Variants in TMEM74 observed in about 807,000 individuals in gnomAD.
TMEM74 encodes transmembrane protein 74.
Under a neutral mutation model 18.1 loss-of-function variants are expected in TMEM74, and 13 were observed. The ratio of observed to expected loss-of-function variants is 0.72; its 90% CI spans 0.47 to 1.14. The LOEUF (loss-of-function observed/expected upper bound fraction) is 1.14. Among genes scored for constraint, TMEM74 ranks in the 50% most tolerant of loss-of-function variants. The pLI is 0.00. For synonymous variants in TMEM74, 159 were observed against 146.6 expected, an observed-to-expected ratio of 1.08 and a Z score of -0.61; for missense variants, 372 against 375.9, an observed-to-expected ratio of 0.99 and a Z score of 0.09.
At chr8:108,631,166 T>C (rs988859616) in intron 2 of TMEM74, among the ~76,000 whole-genome samples, 4 of 151,966 alleles carry the variant, frequency 2.6e-5, no homozygotes, top group African/African-American at 9.7e-5. Context: ...TGAATAGTAT[T>C]GAACAAGACT....
intron 1 of TMEM74, among the ~76,000 whole-genome samples, chr8:108,675,791 C>T (rs571370212): frequency 6.6e-6 from 1 of 152,310 alleles, no homozygotes; most frequent in South Asian, 2.1e-4. Context: ...ACAAACAGGG[C>T]ATAGGCCTAG....
intron 1 of TMEM74, among the ~76,000 whole-genome samples, chr8:108,754,627 C>A (rs904633828): frequency 8.6e-5 from 13 of 151,124 alleles, no homozygotes; most frequent in African/African-American, 3.2e-4. Flanking sequence ...AGAAACAGAG[C>A]CAATAGGATG....
intron 1 of TMEM74, among the ~76,000 whole-genome samples, chr8:108,751,047 C>T (rs187491268): frequency 3.3e-5 from 5 of 152,218 alleles, no homozygotes; most frequent in African/African-American, 4.8e-5. Flanking sequence ...ATGGATTCAC[C>T]ACCAGTAACC....
intron 1 of TMEM74, among the ~76,000 whole-genome samples, chr8:108,740,013 G>T (rs1813784707): frequency 6.6e-6 from 1 of 152,060 alleles, no homozygotes; most frequent in Non-Finnish European, 1.5e-5. Context: ...AGAATGTGGG[G>T]GTCAAAAGGG....
Position 108,784,397 on chromosome 8 carries a change from C to T in TMEM74, c.702G>A (p.Ala234=), listed in dbSNP as rs773288402. Residue 234 remains alanine, a synonymous_variant, in exon 2 of 2, where the codon GCG becomes GCA. Coordinates refer to ENST00000297459, the MANE Select transcript of TMEM74 (RefSeq NM_153015.3). ...LGAHLDRCVI[A]GLCLLTLGGV... is the part of the protein sequence containing the mutation. Reference sequence around the variant, plus strand: ...CCCCCAGCGTGAGGAGGCAGAGCCCCGCAATCACACAGCGGTCCAGGTGAG... The same window carrying T: ...CCCCCAGCGTGAGGAGGCAGAGCCCTGCAATCACACAGCGGTCCAGGTGAG... 6.3e-5 allele frequency: 101 copies of T among 1,614,090 alleles called. No homozygotes were observed. In the East Asian group the frequency reaches 1.7e-3, roughly 27 times the overall value.
intron 2 of TMEM74, among the ~76,000 whole-genome samples, chr8:108,653,588 C>T (rs1156676553): frequency 6.6e-6 from 1 of 152,054 alleles, no homozygotes; most frequent in East Asian, 1.9e-4. Context: ...CTTAATTCAT[C>T]TTTTGTACAT....
intron 1 of TMEM74, among the ~76,000 whole-genome samples, chr8:108,699,780 G>T (rs1813317478): frequency 6.6e-6 from 1 of 152,072 alleles, no homozygotes; most frequent in African/African-American, 2.4e-5. Context: ...ATTCTCTGGG[G>T]TTTATCTATA....
chr8:108,657,857 AAAATAT>A (rs1253694505), intron 1 of TMEM74, among the ~76,000 whole-genome samples: 5 of 62,282 alleles, frequency 8.0e-5, no homozygotes, highest in Admixed American at 2.1e-4. Flanking sequence ...AAAAAAAAAA[AAAATAT>A]ATATATATAT....
chr8:108,647,830 G>A (rs1371301051), intron 2 of TMEM74, among the ~76,000 whole-genome samples: 3 of 152,030 alleles, frequency 2.0e-5, no homozygotes, highest in South Asian at 2.1e-4. Flanking sequence ...CTATATTAGG[G>A]GTAAGTACTT....
At chr8:108,622,835 T>A (rs1812456799) in intron 2 of TMEM74, among the ~76,000 whole-genome samples, 1 of 152,130 alleles carries the variant, frequency 6.6e-6, no homozygotes, top group Non-Finnish European at 1.5e-5. Flanking sequence ...CAAATTAAAA[T>A]TCTTTTCCCC....
chr8:108,644,361 A>T (rs1328845841), intron 2 of TMEM74, among the ~76,000 whole-genome samples: 1 of 152,166 alleles, frequency 6.6e-6, no homozygotes, highest in Non-Finnish European at 1.5e-5. Context: ...CTCAAGATGG[A>T]TTAAATATTT....
At chr8:108,650,404 G>A (rs1294034299) in intron 2 of TMEM74, among the ~76,000 whole-genome samples, 4 of 152,118 alleles carry the variant, frequency 2.6e-5, no homozygotes, top group Non-Finnish European at 5.9e-5. Context: ...TACATTTTCT[G>A]TCCCAAACTA....
chr8:108,615,073 C>A (rs1401727037), intron 2 of TMEM74, among the ~76,000 whole-genome samples: 1 of 152,158 alleles, frequency 6.6e-6, no homozygotes, highest in Non-Finnish European at 1.5e-5. Context: ...CTGAAAGTGT[C>A]ATTCTTTTCC....
At chr8:108,775,082 A>G (rs1371193708), downstream of TMEM74, among the ~76,000 whole-genome samples, 4 of 152,172 alleles carry the variant, frequency 2.6e-5, no homozygotes, top group Admixed American at 2.6e-4. Context: ...CACATAAAAC[A>G]TATACTAATG....
intron 2 of TMEM74, among the ~76,000 whole-genome samples, chr8:108,616,501 G>A (rs984386275): frequency 6.6e-6 from 1 of 152,104 alleles, no homozygotes; most frequent in South Asian, 2.1e-4. Context: ...GAAAGGTTGG[G>A]AGAGATTTTT....
intron 1 of TMEM74, among the ~76,000 whole-genome samples, chr8:108,708,167 G>A (rs1431292294): frequency 1.3e-5 from 2 of 151,956 alleles, no homozygotes; most frequent in African/African-American, 4.8e-5. Flanking sequence ...TAGGATAATG[G>A]CTTCCAGCTC....
intron 2 of TMEM74, among the ~76,000 whole-genome samples, chr8:108,616,184 T>C (rs1216727135): frequency 6.6e-6 from 1 of 152,194 alleles, no homozygotes; most frequent in African/African-American, 2.4e-5. Context: ...AGGGCCGTGC[T>C]CTGGCAGTAC....
chr8:108,771,925 A>T (rs1814177565), intron 1 of TMEM74, among the ~76,000 whole-genome samples: 1 of 152,156 alleles, frequency 6.6e-6, no homozygotes, highest in Admixed American at 6.6e-5. Context: ...CCGAAAAGTA[A>T]CGTATGAGGT....
At chr8:108,744,710 G>T (rs893760804) in intron 1 of TMEM74, among the ~76,000 whole-genome samples, 7 of 152,158 alleles carry the variant, frequency 4.6e-5, no homozygotes, top group African/African-American at 1.7e-4. Context: ...CATTATCAGG[G>T]TGGAAATGAA....
Sources: gnomAD v4.1 joint callset for allele counts (sites outside exome capture counted in the v4.1 genomes callset) on GRCh38, gnomAD v4.1.1 for gene constraint, MANE v1.5 for transcripts, NCBI Gene and HGNC (gene_info 2026-07-23, HGNC 2026-07-21) for gene names.